Variants in PCIF1 observed in about 807,000 individuals in gnomAD.
PCIF1 encodes phosphorylated CTD interacting factor 1.
In PCIF1, 12 loss-of-function variants were observed where a neutral mutation model predicts 86.9. The observed-to-expected ratio is 0.14, with a 90% CI of 0.09 to 0.22. PCIF1 has a LOEUF of 0.22. Among genes scored for constraint, PCIF1 ranks in the 10% least tolerant of loss-of-function variants. The pLI, the probability that PCIF1 is intolerant of heterozygous loss-of-function variation, is 1.00. For missense variants in PCIF1, 701 were observed against 951.1 expected (o/e 0.74, Z 3.46); for synonymous variants, 397 against 372.0 (o/e 1.07, Z -0.77).
In PCIF1 at chr20:45,947,824, C is replaced by T. The variant is rs922487115; in HGVS notation, c.*69C>T. On this transcript the variant is annotated 3_prime_UTR_variant, in exon 17 of 17. Coordinates refer to ENST00000372409, the MANE Select transcript of PCIF1 (RefSeq NM_022104.4). This position sits in a 1 kb window ranked among gnomAD's most constrained non-coding sequence, Gnocchi z 5.4. ...CTGCTGGGACTCGGGCCCCTGGGGC[C>T]TCAGAGGGACCCCGGCTGCCACTGA... is the stretch of plus-strand genomic sequence containing the variant. 2.6e-6 allele frequency: 4 copies of T among 1,535,910 alleles called. No individual in the cohort carries two copies. Among genetic ancestry groups the T allele is most frequent in the East Asian group, 2.4e-5 (1 of 41,456 alleles).
intron 14 of PCIF1, among the ~76,000 whole-genome samples, chr20:45,946,789 C>T (rs2083531066): frequency 6.6e-6 from 1 of 152,218 alleles, no homozygotes; most frequent in Admixed American, 6.5e-5. Context: ...CAGAGCTCAG[C>T]AGCTGGGGAT....
chr20:45,944,496 A>G (rs971244895), intron 10 of PCIF1, among the ~76,000 whole-genome samples: 2 of 152,240 alleles, frequency 1.3e-5, no homozygotes, highest in African/African-American at 4.8e-5. Flanking sequence ...ATAGACTGCA[A>G]ACACCATAAG....
Position 45,935,193 on chromosome 20 carries a change from T to TGCGC in PCIF1, c.-188+404_-188+407dup, listed in dbSNP as rs57434270. Among the ~76,000 whole-genome samples, 138 of 144,778 alleles carry TGCGC rather than the reference T, an allele frequency of 9.5e-4. 1 individual carries two copies. The highest frequency in any genetic ancestry group is 7.1e-3 in the Admixed American group (104 of 14,596). The allele number at this position is 144,778 out of a possible 152,430, so 95.0% of individuals were successfully genotyped here. On this transcript the variant is annotated intron_variant, in intron 1 of 16. Transcript: ENST00000372409. The stretch of plus-strand genomic sequence containing the variant: ...TCGCTGGGGTAGGGGGAGGGGAAGG[T>TGCGC]GCGCGCGCGCGCGCGCGCTGGAGCT...
chr20:45,943,484 C>T lies in PCIF1; in HGVS notation c.905+61C>T, dbSNP rs2083494621. On this transcript the variant is annotated intron_variant, in intron 9 of 16. Coordinates refer to ENST00000372409, the MANE Select transcript of PCIF1 (RefSeq NM_022104.4). The surrounding 1 kb of genome is among the most constrained non-coding windows in gnomAD (Gnocchi z 5.5). Reference sequence around the variant, plus strand: ...GTGATTAAAGTGGCAGGTCATAGGCCATCTTGCCCAGTCTCATGCAGGGCT... The same window carrying T: ...GTGATTAAAGTGGCAGGTCATAGGCTATCTTGCCCAGTCTCATGCAGGGCT... 2 of 1,518,048 alleles carry T rather than the reference C, an allele frequency of 1.3e-6. No individual in the cohort carries two copies. Among genetic ancestry groups the T allele is most frequent in the Non-Finnish European group, 9.1e-7 (1 of 1,102,954 alleles). The allele number at this position is 1,518,048 out of a possible 1,614,324, so 94.0% of individuals were successfully genotyped here. A position where few individuals can be genotyped will look rare whatever the true frequency, so the allele number is the denominator to read the frequency against.
intron 1 of PCIF1, among the ~76,000 whole-genome samples, chr20:45,935,846 C>A (rs1237835209): frequency 6.6e-6 from 1 of 150,438 alleles, no homozygotes; most frequent in Admixed American, 6.6e-5. Context: ...TTTACAAACT[C>A]CAAGATGATT....
intron 4 of PCIF1, among the ~76,000 whole-genome samples, chr20:45,940,235 G>A (rs976477354): frequency 6.6e-6 from 1 of 152,198 alleles, no homozygotes; most frequent in Non-Finnish European, 1.5e-5. Context: ...AATCTCAGTG[G>A]TGATGTAGGG....
At position 45,943,314 on chromosome 20, in the gene PCIF1, C is replaced by T; in HGVS notation, c.822-26C>T. On this transcript the variant is annotated intron_variant, in intron 8 of 16. Transcript: ENST00000372409. This position sits in a 1 kb window ranked among gnomAD's most constrained non-coding sequence, Gnocchi z 5.5. ...GTGCCCAGTCATGTATAGAAGGCCTCTAACTCTGCCCACTCTGAAACGCAG... is the reference window on the plus strand; with the variant it reads ...GTGCCCAGTCATGTATAGAAGGCCTTTAACTCTGCCCACTCTGAAACGCAG... The T allele has an allele frequency of 6.2e-7, 1 of 1,614,026 alleles. No individual in the cohort carries two copies. The highest frequency in any genetic ancestry group is 8.5e-7 in the Non-Finnish European group (1 of 1,179,864).
In PCIF1 at chr20:45,943,670, G is replaced by A. The variant is rs1169222709; in HGVS notation, c.910G>A (p.Ala304Thr). Residue 304 changes from alanine (A) to threonine (T), a missense_variant, in exon 10 of 17, where the codon GCA (alanine) becomes ACA (threonine). Coordinates refer to ENST00000372409, the MANE Select transcript of PCIF1 (RefSeq NM_022104.4). The surrounding 1 kb of genome is among the most constrained non-coding windows in gnomAD (Gnocchi z 5.5). The stretch of plus-strand genomic sequence containing the variant: ...TGCCCTCCCCTTGACTGGCAGGAGT[G>A]CATCCCCTGACAGTAGGAAGGTGGT... ...AARRLIESRSASPDSRKVVKW... is the reference protein window; with the variant it reads ...AARRLIESRSTSPDSRKVVKW... 6.4e-7 allele frequency: 1 copy of A among 1,558,604 alleles called. No individual in the cohort carries two copies. Among genetic ancestry groups the A allele is most frequent in the Non-Finnish European group, 8.7e-7 (1 of 1,150,570 alleles).
chr20:45,941,003 G>C, intron 6 of PCIF1, 50 bp from the exon 7 acceptor site: 1 of 1,614,160 alleles, frequency 6.2e-7, no homozygotes, highest in Non-Finnish European at 8.5e-7. Context: ...GGGACTGTGG[G>C]GTGGTGTGGG....
Position 45,943,166 on chromosome 20 carries a change from AC to A in PCIF1, c.748del (p.Leu250CysfsTer19), listed in dbSNP as rs1282048733. The A allele has an allele frequency of 6.2e-7, 1 of 1,613,622 alleles. No homozygotes were observed. The highest frequency in any genetic ancestry group is 1.3e-5 in the African/African-American group (1 of 74,776). ...LERKVVDKGS[D>X]PLLPSNCEPV... ...CGCAAGGTGGTAGACAAAGGATCTG[AC>A]CCCCTGTTGCCCAGCAACTGTGAAC... On this transcript the variant is annotated frameshift_variant, in exon 8 of 17. Coordinates refer to ENST00000372409, the MANE Select transcript of PCIF1 (RefSeq NM_022104.4). LOFTEE classifies it high-confidence loss of function. The surrounding 1 kb of genome is among the most constrained non-coding windows in gnomAD (Gnocchi z 5.5).
Position 45,939,127 on chromosome 20 carries a change from C to T in PCIF1, c.124+4C>T. 1 of 1,614,096 alleles carries T rather than the reference C, an allele frequency of 6.2e-7. No homozygotes were observed. Among genetic ancestry groups the T allele is most frequent in the Non-Finnish European group, 8.5e-7 (1 of 1,179,996 alleles). ...CGCCTGGTTCAGGACCTCCCAGGTA[C>T]TGAGGGGGAGCAGTAGTGGGGTGGT... On this transcript the variant is annotated splice_donor_region_variant and intron_variant, in intron 3 of 16. Coordinates refer to ENST00000372409, the MANE Select transcript of PCIF1 (RefSeq NM_022104.4).
chr20:45,938,871 G>A, intron 2 of PCIF1, 110 bp from the exon 3 acceptor site: 1 of 1,431,134 alleles, frequency 7.0e-7, no homozygotes, highest in Non-Finnish European at 9.5e-7. Flanking sequence ...CTCCAGGATA[G>A]GACCTGATTG....
chr20:45,937,842 T>G (rs1224561148), intron 2 of PCIF1: 2 of 345,788 alleles, frequency 5.8e-6, no homozygotes, highest in African/African-American at 4.2e-5. Context: ...ACGTCTATGA[T>G]GGAGTGTACA....
At position 45,947,063 on chromosome 20, in the gene PCIF1, C is replaced by CGT; in HGVS notation, c.1614-10_1614-9insGT. 6.2e-7 allele frequency: 1 copy of CGT among 1,602,994 alleles called. No individual in the cohort carries two copies. The highest frequency in any genetic ancestry group is 8.5e-7 in the Non-Finnish European group (1 of 1,171,776). Reference sequence around the variant, plus strand: ...CTGATGGGACTTAGAATGCTCACTCCTGTCCCCAGGCCCTGCCTAGACTTT... The same window carrying CGT: ...CTGATGGGACTTAGAATGCTCACTCCGTTGTCCCCAGGCCCTGCCTAGACTTT... On this transcript the variant is annotated splice_polypyrimidine_tract_variant and intron_variant, in intron 14 of 16. Coordinates refer to ENST00000372409, the MANE Select transcript of PCIF1 (RefSeq NM_022104.4). This position sits in a 1 kb window ranked among gnomAD's most constrained non-coding sequence, Gnocchi z 5.4.
At chr20:45,937,953 AT>A (rs1340929412) in intron 2 of PCIF1, 10 of 182,474 alleles carry the variant, frequency 5.5e-5, no homozygotes, top group Non-Finnish European at 7.9e-5. Context: ...AGTTGATAAA[AT>A]TTCAGCATGA....
intron 7 of PCIF1, among the ~76,000 whole-genome samples, chr20:45,942,354 G>T (rs374832378): frequency 1.6e-5 from 2 of 122,402 alleles, no homozygotes; most frequent in Non-Finnish European, 3.3e-5. Flanking sequence ...TGTTCTTGTT[G>T]CCCTGGCTGG....
In PCIF1 at chr20:45,940,598, G is replaced by A. The variant is rs1252583151; in HGVS notation, c.373G>A (p.Val125Met). ...GGAAGAGCAGCCAAGCGGCAATGGT[G>A]TGAAGAAGCCCAAGGTGAGTGTCTG... ...LSEEQPSGNG[V>M]KKPKIEIPVT... The change falls in exon 5 of 17, where the codon GTG (valine) becomes ATG (methionine). Residue 125 changes from valine to methionine, a missense_variant. Physicochemically the swap from Val to Met is conservative, Grantham distance 21. Around this residue, in one of 7 missense-constraint regions of PCIF1, gnomAD observed 125 missense variants for 126.8 expected, o/e 0.99. Coordinates refer to ENST00000372409, the MANE Select transcript of PCIF1 (RefSeq NM_022104.4). The A allele has an allele frequency of 1.2e-6, 2 of 1,612,180 alleles. No homozygotes were observed. Among genetic ancestry groups the A allele is most frequent in the Non-Finnish European group, 1.7e-6 (2 of 1,179,112 alleles).
intron 1 of PCIF1, among the ~76,000 whole-genome samples, chr20:45,936,979 G>A (rs1396503724): frequency 6.6e-6 from 1 of 152,144 alleles, no homozygotes; most frequent in Non-Finnish European, 1.5e-5. Flanking sequence ...TAGAGCTGGG[G>A]GCTCACTATG....
At chr20:45,942,766 C>CT (rs780815783) in intron 7 of PCIF1, among the ~76,000 whole-genome samples, 10,214 of 71,844 alleles carry the variant, frequency 0.14, 2,296 homozygotes, top group Non-Finnish European at 0.17. Flanking sequence ...CAGCTAATTT[C>CT]TTTTTTTTTT....
Sources: gnomAD v4.1 joint callset for allele counts (sites outside exome capture counted in the v4.1 genomes callset) on GRCh38, gnomAD v4.1.1 for gene constraint, gnomAD v4.1.1 regional missense constraint, Gnocchi (gnomAD v3.1) non-coding constraint, MANE v1.5 for transcripts, NCBI Gene and HGNC (gene_info 2026-07-23, HGNC 2026-07-21) for gene names.